Variants in KRTAP10-1 observed in about 807,000 individuals in gnomAD.
KRTAP10-1 encodes keratin-associated protein 10-1.
For synonymous variants in KRTAP10-1, 155 were observed against 153.3 expected, an observed-to-expected ratio of 1.01 and a Z score of -0.08; for missense variants, 364 against 369.2, an observed-to-expected ratio of 0.99 and a Z score of 0.12.
Position 44,539,331 on chromosome 21 carries a change from G to C in KRTAP10-1, c.820C>G (p.Arg274Gly), listed in dbSNP as rs376945481. The change falls in exon 1 of 1, where the codon CGC becomes GGC. Residue 274 changes from arginine to glycine, a missense_variant. Transcript: ENST00000400375. ...CAGGCCGGGCGGGAGCACGCGGGGC[G>C]GCAGAGGAGGGACACGCAGGAGGCC... The part of the protein sequence containing the change: ...RPASCVSLLC[R>G]PACSRPAC The C allele has an allele frequency of 6.6e-5, 106 of 1,611,744 alleles. 1 individual carries two copies. In the East Asian group the frequency reaches 2.3e-3, roughly 35 times the overall value.
chr21:44,539,303 C>T lies in KRTAP10-1; in HGVS notation c.848G>A (p.Ter283=), dbSNP rs781968939. ...CRPACSRPAC[*] ...GGACTCCTGGCCTGAGCAGAGGCCT[C>T]AGCAGGCCGGGCGGGAGCACGCGGG... The change falls in exon 1 of 1, where the codon TGA becomes TAA. Residue 283 remains the stop codon, a stop_retained_variant. Transcript: ENST00000400375. 3.5e-4 allele frequency: 562 copies of T among 1,608,852 alleles called. No homozygotes were observed. Among genetic ancestry groups the T allele is most frequent in the Non-Finnish European group, 4.4e-4 (518 of 1,177,566 alleles).
chr21:44,539,209 G>A lies in KRTAP10-1; in HGVS notation c.*93C>T, dbSNP rs781710406. 5 of 1,535,994 alleles carry A rather than the reference G, an allele frequency of 3.3e-6. No individual in the cohort carries two copies. The highest frequency in any genetic ancestry group is 2.3e-4 in the Middle Eastern group (1 of 4,420). On this transcript the variant is annotated 3_prime_UTR_variant, in exon 1 of 1. Coordinates refer to ENST00000400375, the MANE Select transcript of KRTAP10-1 (RefSeq NM_198691.3). Reference sequence around the variant, plus strand: ...GGAGACACGGGGACCCGTCCTAGGTGGGGGAAGCCACCTAACCCAGGTCAG... The same window carrying A: ...GGAGACACGGGGACCCGTCCTAGGTAGGGGAAGCCACCTAACCCAGGTCAG...
chr21:44,539,208 TG>T lies in KRTAP10-1; in HGVS notation c.*93del. ...GGGAGACACGGGGACCCGTCCTAGG[TG>T]GGGGAAGCCACCTAACCCAGGTCAG... On this transcript the variant is annotated 3_prime_UTR_variant, in exon 1 of 1. Transcript: ENST00000400375. The T allele has an allele frequency of 6.5e-7, 1 of 1,532,474 alleles. No individual in the cohort carries two copies. Among genetic ancestry groups the T allele is most frequent in the Non-Finnish European group, 8.7e-7 (1 of 1,145,598 alleles). 94.9% of individuals were successfully genotyped at this position (1,532,474 alleles called of 1,614,324 possible). A position where few individuals can be genotyped will look rare whatever the true frequency, so the allele number is the denominator to read the frequency against.
rs782454723 is a variant in KRTAP10-1 at position 44,540,108 on chromosome 21, C to T, written c.43G>A (p.Asp15Asn). 118 of 1,613,552 alleles carry T rather than the reference C, an allele frequency of 7.3e-5. No homozygotes were observed. The highest frequency in any genetic ancestry group is 9.7e-5 in the Non-Finnish European group (114 of 1,179,922). Residue 15 changes from aspartate (D) to asparagine (N), a missense_variant, in exon 1 of 1, where the codon GAC becomes AAC. Asp to Asn is a conservative substitution (Grantham distance 23). Transcript: ENST00000400375. ...TMSVCSSACS[D>N]SWQVDACPES... is the part of the protein sequence containing the mutation. ...GGGCAGGCATCCACCTGCCAGGAGT[C>T]GGAGCAAGCGCTGGAGCAGACGGAC...
chr21:44,539,885 C>A lies in KRTAP10-1; in HGVS notation c.266G>T (p.Cys89Phe), dbSNP rs782788125. The A allele has an allele frequency of 6.3e-7, 1 of 1,577,852 alleles. No homozygotes were observed. The highest frequency in any genetic ancestry group is 1.1e-5 in the South Asian group (1 of 87,208). ...CCQQSSCQPA[C>F]CTSSPCQQAC... ...CTGCTGGCAGGGGGAGGAGGTGCAG[C>A]AAGCCGGCTGGCAGCTAGACTGCTG... The change falls in exon 1 of 1, where the codon TGC becomes TTC. Residue 89 changes from cysteine (C) to phenylalanine (F), a missense_variant. Transcript: ENST00000400375.
At position 44,540,135 on chromosome 21, in the gene KRTAP10-1, T is replaced by G. The variant is rs2053191404; in HGVS notation, c.16A>C (p.Met6Leu). The G allele has an allele frequency of 6.2e-7, 1 of 1,613,182 alleles. No individual in the cohort carries two copies. The highest frequency in any genetic ancestry group is 8.5e-7 in the Non-Finnish European group (1 of 1,179,688). Reference sequence around the variant, plus strand: ...GAGCAAGCGCTGGAGCAGACGGACATGGTGGACGCGGCCATGCTGGGGTGG... The same window carrying G: ...GAGCAAGCGCTGGAGCAGACGGACAGGGTGGACGCGGCCATGCTGGGGTGG... Reference protein sequence around the residue: MAASTMSVCSSACSDS... With the variant: MAASTLSVCSSACSDS... Residue 6 changes from methionine (M) to leucine (L), a missense_variant, in exon 1 of 1, where the codon ATG becomes CTG. By Grantham distance (15) the Met-to-Leu change is conservative (BLOSUM62 2). Coordinates refer to ENST00000400375, the MANE Select transcript of KRTAP10-1 (RefSeq NM_198691.3).
rs1438073835 is a variant in KRTAP10-1 at position 44,539,181 on chromosome 21, A to AT, written c.*120_*121insA. On this transcript the variant is annotated 3_prime_UTR_variant, in exon 1 of 1. Coordinates refer to ENST00000400375, the MANE Select transcript of KRTAP10-1 (RefSeq NM_198691.3). ...CAAGGAGGGGGGGTCACCTCAGCAC[A>AT]GGGGAGACACGGGGACCCGTCCTAG... 11 of 1,466,396 alleles carry AT rather than the reference A, an allele frequency of 7.5e-6. No homozygotes were observed. Among genetic ancestry groups the AT allele is most frequent in the Middle Eastern group, 2.5e-4 (1 of 4,074 alleles). 90.8% of individuals were successfully genotyped at this position (1,466,396 alleles called of 1,614,324 possible).
In KRTAP10-1 at chr21:44,539,553, C is replaced by CACAGCAGATGGGCTT. The variant is rs782296708; in HGVS notation, c.583_597dup (p.Lys195_Cys199dup). 6.2e-7 allele frequency: 1 copy of CACAGCAGATGGGCTT among 1,613,310 alleles called. No individual in the cohort carries two copies. Among genetic ancestry groups the CACAGCAGATGGGCTT allele is most frequent in the African/African-American group, 1.3e-5 (1 of 74,762 alleles). On this transcript the variant is annotated inframe_insertion, in exon 1 of 1. Transcript: ENST00000400375. ...GTGGAAGCCCCAGAGCAGACGGGCA[C>CACAGCAGATGGGCTT]ACAGCAGATGGGCTTGCAGCAGACA...
rs2053179719 is a variant in KRTAP10-1 at position 44,539,830 on chromosome 21, A to T, written c.321T>A (p.Pro107=). 1 of 1,576,172 alleles carries T rather than the reference A, an allele frequency of 6.3e-7. No individual in the cohort carries two copies. The highest frequency in any genetic ancestry group is 8.6e-7 in the Non-Finnish European group (1 of 1,159,250). Residue 107 remains proline, a synonymous_variant, in exon 1 of 1, where the codon CCT becomes CCA. Transcript: ENST00000400375. ...TAGAGCAGGTGGGCAGGCAGCACAC[A>T]GGCTTGCAGCAGACGGGCACGCAGC... ...QACCVPVCCK[P]VCCLPTCSKD...
In KRTAP10-1 at chr21:44,540,034, C is replaced by T. The variant is rs782600188; in HGVS notation, c.117G>A (p.Pro39=). Residue 39 remains proline (P), a synonymous_variant, in exon 1 of 1, where the codon CCG becomes CCA. Coordinates refer to ENST00000400375, the MANE Select transcript of KRTAP10-1 (RefSeq NM_198691.3). ...TGCAGACCAGGGTCAGGCAGGGGGC[C>T]GGGGCGCAGCAGCTGAGGGCGCAGC... ...PHCCALSCCA[P]APCLTLVCTP... 53 of 1,612,976 alleles carry T rather than the reference C, an allele frequency of 3.3e-5. No homozygotes were observed. The Admixed American group carries it at 5.5e-4, about 17-fold the overall frequency.
Position 44,539,615 on chromosome 21 carries a change from C to T in KRTAP10-1, c.536G>A (p.Cys179Tyr), listed in dbSNP as rs372423290. The T allele has an allele frequency of 5.0e-6, 8 of 1,613,668 alleles. 1 individual carries two copies. Among genetic ancestry groups the T allele is most frequent in the South Asian group, 2.2e-5 (2 of 91,038 alleles). ...GACGGGCACGCAGCAGGCCTGCTGG[C>T]AGGGGGAGGAGGTGCAGCAAGCTGG... ...CHPACCTSSP[C>Y]QQACCVPVRC... The change falls in exon 1 of 1, where the codon TGC (cysteine) becomes TAC (tyrosine). Residue 179 changes from cysteine (C) to tyrosine (Y), a missense_variant. By Grantham distance (194) the Cys-to-Tyr change is radical (BLOSUM62 -2). Transcript: ENST00000400375.
At position 44,539,972 on chromosome 21, in the gene KRTAP10-1, GCCT is replaced by G; in HGVS notation, c.176_178del (p.Gln59_Ala60delinsPro). 1 of 1,613,432 alleles carries G rather than the reference GCCT, an allele frequency of 6.2e-7. No individual in the cohort carries two copies. Among genetic ancestry groups the G allele is most frequent in the African/African-American group, 1.3e-5 (1 of 75,030 alleles). On this transcript the variant is annotated inframe_deletion, in exon 1 of 1. Coordinates refer to ENST00000400375, the MANE Select transcript of KRTAP10-1 (RefSeq NM_198691.3). ...TTGGCAGGGGCTGGGCTCACAGGCT[GCCT>G]GGCAGCAGGGGCTGGACACACGGCT...
chr21:44,539,490 A>G lies in KRTAP10-1; in HGVS notation c.661T>C (p.Cys221Arg), dbSNP rs782609052. 3.7e-6 allele frequency: 6 copies of G among 1,613,904 alleles called. No homozygotes were observed. Among genetic ancestry groups the G allele is most frequent in the East Asian group, 4.5e-5 (2 of 44,872 alleles). ...CQQSSCQPAC[C>R]TTSCCRPSSS... ...GAGGGTCTGCAGCAGGAGGTGGTGC[A>G]GCAAGCCGGCTGGCAGCTAGACTGC... is the stretch of plus-strand genomic sequence containing the variant. The change falls in exon 1 of 1, where the codon TGC becomes CGC. Residue 221 changes from cysteine to arginine, a missense_variant. By Grantham distance (180) the Cys-to-Arg change is radical (BLOSUM62 -3). Transcript: ENST00000400375.
At position 44,539,221 on chromosome 21, in the gene KRTAP10-1, C is replaced by T. The variant is rs782607691; in HGVS notation, c.*81G>A. 26 of 1,554,736 alleles carry T rather than the reference C, an allele frequency of 1.7e-5. No individual in the cohort carries two copies. Among genetic ancestry groups the T allele is most frequent in the Non-Finnish European group, 2.1e-5 (24 of 1,155,996 alleles). On this transcript the variant is annotated 3_prime_UTR_variant, in exon 1 of 1. Coordinates refer to ENST00000400375, the MANE Select transcript of KRTAP10-1 (RefSeq NM_198691.3). ...ACCCGTCCTAGGTGGGGGAAGCCAC[C>T]TAACCCAGGTCAGGAACTGAGCCCA...
In KRTAP10-1 at chr21:44,540,066, G is replaced by T; in HGVS notation, c.85C>A (p.Pro29Thr). ...CAGCAGCTGAGGGCGCAGCAGTGGG[G>T]CTCACAGCAGCTCTCTGGGCAGGCA... Reference protein sequence around the residue: ...VDACPESCCEPHCCALSCCAP... With the variant: ...VDACPESCCETHCCALSCCAP... Residue 29 changes from proline (P) to threonine (T), a missense_variant, in exon 1 of 1, where the codon CCC (proline) becomes ACC (threonine). Pro to Thr is a conservative substitution (Grantham distance 38). Transcript: ENST00000400375. 6.2e-7 allele frequency: 1 copy of T among 1,613,422 alleles called. No individual in the cohort carries two copies.
chr21:44,539,308 G>A lies in KRTAP10-1; in HGVS notation c.843C>T (p.Ala281=), dbSNP rs782021133. ...CCTGGCCTGAGCAGAGGCCTCAGCA[G>A]GCCGGGCGGGAGCACGCGGGGCGGC... The part of the protein sequence containing the change: ...LLCRPACSRP[A]C Residue 281 remains alanine (A), a synonymous_variant, in exon 1 of 1, where the codon GCC becomes GCT. Coordinates refer to ENST00000400375, the MANE Select transcript of KRTAP10-1 (RefSeq NM_198691.3). The A allele has an allele frequency of 6.2e-7, 1 of 1,609,698 alleles. No homozygotes were observed. Among genetic ancestry groups the A allele is most frequent in the South Asian group, 1.1e-5 (1 of 90,754 alleles).
Position 44,539,466 on chromosome 21 carries a change from AG to A in KRTAP10-1, c.684del (p.Ser229ProfsTer99), listed in dbSNP as rs1555916839. ...PACCTTSCCR[P>X]SSSVSLLCRP... ...CGGCAGAGGAGGGACACGGAGGAGG[AG>A]GGTCTGCAGCAGGAGGTGGTGCAGC... On this transcript the variant is annotated frameshift_variant, in exon 1 of 1. Transcript: ENST00000400375. LOFTEE classifies it low-confidence loss of function (END_TRUNC). 22 of 1,613,068 alleles carry A rather than the reference AG, an allele frequency of 1.4e-5. No homozygotes were observed. In the African/African-American group the frequency reaches 2.7e-4, roughly 20 times the overall value.
rs1555916735 is a variant in KRTAP10-1, at chr21:44,539,105, C to A, written c.*197G>T. Reference sequence around the variant, plus strand: ...AGGGGACCTAGCAGGCAGGTGGGCACCTGCTGGAAGGCAAGAGCTGGGGAG... The same window carrying A: ...AGGGGACCTAGCAGGCAGGTGGGCAACTGCTGGAAGGCAAGAGCTGGGGAG... On this transcript the variant is annotated 3_prime_UTR_variant, in exon 1 of 1. Transcript: ENST00000400375. The A allele has an allele frequency of 5.1e-6, 5 of 973,418 alleles. No homozygotes were observed. The highest frequency in any genetic ancestry group is 7.4e-6 in the Non-Finnish European group (5 of 679,566). 60.3% of individuals were successfully genotyped at this position (973,418 alleles called of 1,614,324 possible). A position where few individuals can be genotyped will look rare whatever the true frequency, so the allele number is the denominator to read the frequency against.
rs1446707612 is a variant in KRTAP10-1, at chr21:44,539,006, G to A, written c.*296C>T. On this transcript the variant is annotated 3_prime_UTR_variant, in exon 1 of 1. Transcript: ENST00000400375. Reference sequence around the variant, plus strand: ...TCAGGTGACCAAGGAGAGTTTATTGGGGAGCAGGAGGAGGTGCTGAGAGGT... The same window carrying A: ...TCAGGTGACCAAGGAGAGTTTATTGAGGAGCAGGAGGAGGTGCTGAGAGGT... 3.6e-6 allele frequency: 2 copies of A among 562,180 alleles called. No individual in the cohort carries two copies. The highest frequency in any genetic ancestry group is 6.3e-6 in the Non-Finnish European group (2 of 316,540). The allele number at this position is 562,180 out of a possible 1,614,324, so 34.8% of individuals were successfully genotyped here.
Sources: gnomAD v4.1 joint callset for allele counts on GRCh38, gnomAD v4.1.1 for gene constraint, MANE v1.5 for transcripts, NCBI Gene and HGNC (gene_info 2026-07-23, HGNC 2026-07-21) for gene names.